Variants in EFCAB5 observed in about 807,000 individuals in gnomAD.
EFCAB5 encodes the protein EF-hand calcium-binding domain-containing protein 5.
In EFCAB5, 131 loss-of-function variants were observed where a neutral mutation model predicts 167.9. The observed-to-expected ratio is 0.78, with a 90% CI of 0.68 to 0.90. EFCAB5 has a LOEUF of 0.90. EFCAB5 is among the 40% of genes least tolerant of loss of function. The pLI, the probability that EFCAB5 is intolerant of heterozygous loss-of-function variation, is 0.00. For missense variants in EFCAB5, 1,663 were observed against 1,745.2 expected (o/e 0.95, Z 0.84); for synonymous variants, 574 against 602.8 (o/e 0.95, Z 0.70).
chr17:29,957,681 A>G lies in EFCAB5; in HGVS notation c.191-11110A>G, dbSNP rs780712614. On this transcript the variant is annotated intron_variant, in intron 3 of 22. Transcript: ENST00000394835. ...ATCTCATTCCTTTTTATGGCTGCATAGTATTCCATAGTATATATGTACCAC... is the reference window on the plus strand; with the variant it reads ...ATCTCATTCCTTTTTATGGCTGCATGGTATTCCATAGTATATATGTACCAC... 5.1e-4 allele frequency among the ~76,000 whole-genome samples: 78 copies of G among 152,352 alleles called. 1 individual carries two copies. The highest frequency in any genetic ancestry group is 1.7e-3 in the South Asian group (8 of 4,824).
intron 3 of EFCAB5, among the ~76,000 whole-genome samples, chr17:29,966,046 TA>T (rs1311103443): frequency 6.6e-6 from 1 of 152,102 alleles, no homozygotes; most frequent in African/African-American, 2.4e-5. Flanking sequence ...GGTAGGCTTT[TA>T]AAAAAATCGT....
At chr17:30,096,905 C>G (rs546303511) in intron 22 of EFCAB5, among the ~76,000 whole-genome samples, 1 of 148,676 alleles carries the variant, frequency 6.7e-6, no homozygotes, top group East Asian at 2.0e-4. Flanking sequence ...GTCTCGAACT[C>G]CTGACCTCAG....
chr17:29,970,927 T>C (rs770390412), intron 4 of EFCAB5, among the ~76,000 whole-genome samples: 1 of 151,924 alleles, frequency 6.6e-6, no homozygotes, highest in Non-Finnish European at 1.5e-5. Flanking sequence ...ATGCAAAAAT[T>C]AGCCCAGCGT....
intron 4 of EFCAB5, among the ~76,000 whole-genome samples, chr17:29,973,560 AC>A (rs2068002805): frequency 7.2e-6 from 1 of 138,334 alleles, no homozygotes; most frequent in South Asian, 2.3e-4. Flanking sequence ...GCTCACTGCA[AC>A]CTCTGCCTCT....
intron 7 of EFCAB5, among the ~76,000 whole-genome samples, chr17:30,004,787 ATTTTTT>A (rs60231360): frequency 1.0e-4 from 12 of 115,116 alleles, no homozygotes; most frequent in East Asian, 9.7e-4. Flanking sequence ...CTCCTGGCTA[ATTTTTT>A]TTTTTTTTTT....
intron 3 of EFCAB5, among the ~76,000 whole-genome samples, chr17:29,947,815 C>A (rs1037343654): frequency 6.6e-6 from 1 of 152,034 alleles, no homozygotes; most frequent in Non-Finnish European, 1.5e-5. Context: ...TATAAATTAA[C>A]TCATTCATTT....
chr17:29,937,645 A>G (rs955488630), upstream of EFCAB5, among the ~76,000 whole-genome samples: 1 of 152,162 alleles, frequency 6.6e-6, no homozygotes, highest in Non-Finnish European at 1.5e-5. Flanking sequence ...CCTTCCTACT[A>G]TAATAGTCCT....
intron 13 of EFCAB5, 36 bp downstream of exon 13, chr17:30,057,926 T>C: frequency 6.4e-7 from 1 of 1,574,158 alleles, no homozygotes; most frequent in South Asian, 1.1e-5. Flanking sequence ...ACAAGTGAGG[T>C]CACTATTATA....
intron 7 of EFCAB5, among the ~76,000 whole-genome samples, chr17:30,022,818 A>G (rs1381460657): frequency 6.6e-6 from 1 of 152,244 alleles, no homozygotes; most frequent in African/African-American, 2.4e-5. Flanking sequence ...AACAGAAATT[A>G]TAACAAACTA....
intron 22 of EFCAB5, among the ~76,000 whole-genome samples, chr17:30,094,018 C>T (rs997506673): frequency 6.6e-6 from 1 of 152,132 alleles, no homozygotes; most frequent in African/African-American, 2.4e-5. Context: ...GGGCCCTACT[C>T]CACGAATCTA....
intron 3 of EFCAB5, among the ~76,000 whole-genome samples, chr17:29,966,722 A>ATG (rs774727348): frequency 2.6e-5 from 4 of 152,176 alleles, no homozygotes; most frequent in Admixed American, 6.5e-5. Flanking sequence ...AAGTCACTAT[A>ATG]TGCAGTCCGC....
At chr17:30,052,152 G>A (rs180820970) in intron 9 of EFCAB5, among the ~76,000 whole-genome samples, 334 of 151,840 alleles carry the variant, frequency 2.2e-3, no homozygotes, top group Non-Finnish European at 3.5e-3. Context: ...GTATTGTACT[G>A]GCTGAGTTTC....
At chr17:30,103,975 C>T (rs1052199441) in intron 22 of EFCAB5, among the ~76,000 whole-genome samples, 1 of 152,326 alleles carries the variant, frequency 6.6e-6, no homozygotes, top group South Asian at 2.1e-4. Flanking sequence ...CACGCCATTG[C>T]ACTCCAGGCT....
chr17:30,003,540 T>A (rs1457448298), intron 7 of EFCAB5, among the ~76,000 whole-genome samples: 1 of 151,818 alleles, frequency 6.6e-6, no homozygotes, highest in African/African-American at 2.4e-5. Flanking sequence ...GCCTTGTTGT[T>A]TTTTTAAGAA....
chr17:29,943,914 C>T (rs1293751884), intron 3 of EFCAB5, among the ~76,000 whole-genome samples: 1 of 151,848 alleles, frequency 6.6e-6, no homozygotes, highest in East Asian at 1.9e-4. Flanking sequence ...GTGGGGGTTG[C>T]AGTGAGCCAA....
chr17:30,037,141 A>G (rs571487166), intron 8 of EFCAB5, among the ~76,000 whole-genome samples: 1 of 152,320 alleles, frequency 6.6e-6, no homozygotes, highest in African/African-American at 2.4e-5. Context: ...TAAATCCAAC[A>G]TGGCACTAAA....
In EFCAB5 at chr17:30,106,795, C is replaced by G. The variant is rs1334482720; in HGVS notation, c.4322-1039C>G. Among the ~76,000 whole-genome samples the G allele has an allele frequency of 2.0e-5, 3 of 152,224 alleles. 1 individual carries two copies. Among genetic ancestry groups the G allele is most frequent in the African/African-American group, 7.2e-5 (3 of 41,548 alleles). On this transcript the variant is annotated intron_variant, in intron 22 of 22. Transcript: ENST00000394835. ...TTTGAGCAACTACTCTGTGACAGAT[C>G]TTCACATATATTTTCTCAGCCTCTG...
At chr17:30,073,660 GT>G (rs945117164) in intron 14 of EFCAB5, 1 of 714,176 alleles carries the variant, frequency 1.4e-6, no homozygotes, top group Non-Finnish European at 2.6e-6. Flanking sequence ...AAAGAAGGAA[GT>G]TTTTTCCTCT....
chr17:29,972,232 G>C (rs1186717324), intron 4 of EFCAB5, among the ~76,000 whole-genome samples: 1 of 121,314 alleles, frequency 8.2e-6, no homozygotes, highest in Non-Finnish European at 1.8e-5. Context: ...TGTATTTTTA[G>C]TAGACATGGG....
Sources: allele counts gnomAD v4.1 joint callset (sites outside exome capture counted in the v4.1 genomes callset), GRCh38; gene constraint gnomAD v4.1.1; transcripts MANE v1.5; gene names NCBI Gene and HGNC (gene_info 2026-07-23, HGNC 2026-07-21).